The following SLC41A3 variants were observed in gnomAD, a reference collection of about 807,000 sequenced individuals.
SLC41A3 encodes the protein SLC41A1-like 2.
In SLC41A3, 44 loss-of-function variants were observed where a neutral mutation model predicts 45.4. The ratio of observed to expected loss-of-function variants is 0.97; its 90% CI spans 0.76 to 1.25. The LOEUF is 1.25. SLC41A3 is among the 50% of genes most tolerant of loss of function. The probability of loss-of-function intolerance (pLI) is 0.00; values close to 1 mark genes in which losing one functional copy is unlikely to be tolerated. For synonymous variants in SLC41A3, 256 were observed against 252.4 expected (o/e 1.01, Z -0.13); for missense variants, 550 against 600.6 (o/e 0.92, Z 0.88).
chr3:126,032,169 A>G (rs906394589), intron 4 of SLC41A3, among the ~76,000 whole-genome samples: 1 of 152,180 alleles, frequency 6.6e-6, no homozygotes, highest in Non-Finnish European at 1.5e-5. Context: ...CTGGTAAGAC[A>G]GCGCGGCCAG....
At chr3:126,069,937 C>T (rs777134040) in intron 1 of SLC41A3, among the ~76,000 whole-genome samples, 9 of 150,414 alleles carry the variant, frequency 6.0e-5, no homozygotes, top group African/African-American at 2.0e-4. Context: ...GTATGAAGAA[C>T]GGAAATGAAA....
At chr3:126,018,995 A>C (rs950129577) in intron 6 of SLC41A3, among the ~76,000 whole-genome samples, 1 of 152,222 alleles carries the variant, frequency 6.6e-6, no homozygotes. Flanking sequence ...ACAGTGTCTT[A>C]GTCAGTTTTG....
In SLC41A3 at chr3:126,026,169, G is replaced by A; in HGVS notation, c.598+166C>T. The A allele has an allele frequency of 2.9e-6, 3 of 1,050,236 alleles. No individual in the cohort carries two copies. The allele number at this position is 1,050,236 out of a possible 1,614,324, so 65.1% of individuals were successfully genotyped here. ...GTGAGGGCACAAGGTGGGCCATGAA[G>A]ACCCAGCTGGCTCGTCCCACCCTGC... On this transcript the variant is annotated intron_variant, in intron 5 of 10. Coordinates refer to ENST00000360370, the MANE Select transcript of SLC41A3 (RefSeq NM_017836.4). The surrounding 1 kb of genome is among the most constrained non-coding windows in gnomAD (Gnocchi z 4.2).
chr3:126,039,788 T>C (rs1299869551), intron 3 of SLC41A3, among the ~76,000 whole-genome samples: 1 of 152,194 alleles, frequency 6.6e-6, no homozygotes, highest in African/African-American at 2.4e-5. Flanking sequence ...CTACTTCTCT[T>C]TAAAGTCCCA....
intron 6 of SLC41A3, among the ~76,000 whole-genome samples, chr3:126,022,080 C>G (rs1026316919): frequency 1.6e-4 from 13 of 79,708 alleles, no homozygotes; most frequent in African/African-American, 1.3e-3. Flanking sequence ...GGCTCTCCTT[C>G]AAGTGTACTC....
At chr3:126,075,306 T>C (rs988164554) in intron 1 of SLC41A3, among the ~76,000 whole-genome samples, 2 of 152,186 alleles carry the variant, frequency 1.3e-5, no homozygotes, top group African/African-American at 4.8e-5. Flanking sequence ...AACAATTGCA[T>C]TTGCAATAGA....
intron 3 of SLC41A3, among the ~76,000 whole-genome samples, chr3:126,040,270 T>C (rs1196586041): frequency 2.6e-5 from 4 of 152,234 alleles, no homozygotes; most frequent in Non-Finnish European, 5.9e-5. Flanking sequence ...TTTCCAACTC[T>C]AATCCAGCAT....
chr3:126,083,772 C>A (rs896997668), intron 1 of SLC41A3: 2 of 151,974 alleles, frequency 1.3e-5, no homozygotes, highest in Non-Finnish European at 2.9e-5. Flanking sequence ...GGCTCCCCCG[C>A]GACCCCCAGC....
At chr3:126,056,677 C>A in intron 2 of SLC41A3, 2 of 1,455,002 alleles carry the variant, frequency 1.4e-6, no homozygotes, top group African/African-American at 1.4e-5. Flanking sequence ...GCTTCCCAGT[C>A]ACCAGGTGCC....
At chr3:126,041,881 C>A (rs1199743091) in intron 3 of SLC41A3, among the ~76,000 whole-genome samples, 3 of 152,158 alleles carry the variant, frequency 2.0e-5, no homozygotes, top group Non-Finnish European at 2.9e-5. Context: ...CTGCAGCAAC[C>A]AAGAGAAAAT....
upstream of SLC41A3, among the ~76,000 whole-genome samples, chr3:126,088,731 A>AAACC: frequency 6.6e-6 from 1 of 152,214 alleles, no homozygotes; most frequent in Non-Finnish European, 1.5e-5. Flanking sequence ...GTATAATATA[A>AAACC]AGAAATTGTT....
At chr3:126,056,969 G>A (rs948586394) in intron 2 of SLC41A3, 9 of 1,045,876 alleles carry the variant, frequency 8.6e-6, no homozygotes, top group Non-Finnish European at 1.0e-5. Context: ...CAGAGCTGAA[G>A]CCCACGTGGT....
intron 3 of SLC41A3, among the ~76,000 whole-genome samples, chr3:126,049,065 C>A (rs1385777832): frequency 1.3e-5 from 2 of 152,180 alleles, no homozygotes. Context: ...CTTTGGGAGG[C>A]CAAGGCGGGT....
chr3:126,085,857 C>T (rs1320348356), upstream of SLC41A3, among the ~76,000 whole-genome samples: 1 of 152,040 alleles, frequency 6.6e-6, no homozygotes, highest in Non-Finnish European at 1.5e-5. Flanking sequence ...ATGCAGCAGC[C>T]CTATGGGGAA....
At chr3:126,050,816 T>C (rs1943277711) in intron 3 of SLC41A3, 127 bp downstream of exon 3, 3 of 1,404,910 alleles carry the variant, frequency 2.1e-6, no homozygotes, top group Middle Eastern at 2.2e-4. Context: ...TGATGAGGTA[T>C]CAAAACCCAG....
Position 126,029,375 on chromosome 3 carries a change from C to CG in SLC41A3, c.454-2897_454-2896insC, listed in dbSNP as rs1389147362. 5.9e-5 allele frequency among the ~76,000 whole-genome samples: 9 copies of CG among 151,982 alleles called. 1 individual carries two copies. The South Asian group carries it at 1.7e-3, about 28-fold the overall frequency. On this transcript the variant is annotated intron_variant, in intron 4 of 10. Transcript: ENST00000360370. ...TAGAAGTATGTGGCACTCCCTCCCC[C>CG]ACCACTCTCTTGCTCATTCTCTGGC...
At chr3:126,081,816 G>A (rs1945167680) in intron 1 of SLC41A3, among the ~76,000 whole-genome samples, 3 of 152,344 alleles carry the variant, frequency 2.0e-5, no homozygotes, top group Admixed American at 2.0e-4. Context: ...GTCTTGGTGA[G>A]TCACTCACAC....
intron 4 of SLC41A3, among the ~76,000 whole-genome samples, chr3:126,033,306 T>C (rs772533488): frequency 3.8e-5 from 3 of 79,028 alleles, no homozygotes; most frequent in Non-Finnish European, 8.3e-5. Context: ...AGAAGCCTGT[T>C]AGCACTGTGC....
At chr3:126,088,925 A>G (rs541407138), upstream of SLC41A3, among the ~76,000 whole-genome samples, 15 of 152,338 alleles carry the variant, frequency 9.8e-5, no homozygotes, top group South Asian at 2.9e-3. Context: ...ATCCAAATGC[A>G]GAAGAGGTCA....
Sources: allele counts gnomAD v4.1 joint callset (sites outside exome capture counted in the v4.1 genomes callset), GRCh38; gene constraint gnomAD v4.1.1; non-coding constraint Gnocchi (gnomAD v3.1); transcripts MANE v1.5; gene names NCBI Gene and HGNC (gene_info 2026-07-23, HGNC 2026-07-21).